MYO16: variants seen among roughly 807,000 people sequenced by gnomAD.
MYO16 encodes unconventional myosin-XVI.
A neutral mutation model predicts 205.3 loss-of-function variants in MYO16; 94 were observed. That is an observed-to-expected ratio of 0.46 (90% CI 0.39 to 0.54). The LOEUF (loss-of-function observed/expected upper bound fraction) is 0.54. MYO16 is among the 20% of genes least tolerant of loss of function. The pLI is 0.00. For synonymous variants in MYO16, 988 were observed against 954.0 expected (o/e 1.04, Z -0.66); for missense variants, 2,315 against 2,387.5 (o/e 0.97, Z 0.63).
intron 2 of MYO16, among the ~76,000 whole-genome samples, chr13:108,689,693 G>A (rs1463488031): frequency 6.6e-6 from 1 of 151,406 alleles, no homozygotes; most frequent in East Asian, 1.9e-4. Flanking sequence ...CAAATACAGA[G>A]TCTCTGAAAT....
intron 14 of MYO16, 107 bp downstream of exon 14, chr13:108,888,584 T>C: frequency 1.8e-6 from 1 of 561,678 alleles, no homozygotes; most frequent in Non-Finnish European, 2.9e-6. Flanking sequence ...GGGTTCAAAA[T>C]TTGTGGAAAT....
intron 16 of MYO16, among the ~76,000 whole-genome samples, chr13:108,924,002 T>C (rs545985235): frequency 1.8e-4 from 28 of 152,334 alleles, no homozygotes; most frequent in African/African-American, 6.7e-4. Context: ...TATTGAACTC[T>C]TTGGGCCATG....
At chr13:108,508,605 T>C in the MYO16 span, among the ~76,000 whole-genome samples, 2 of 152,140 alleles carry the variant, frequency 1.3e-5, no homozygotes, top group African/African-American at 4.8e-5. Context: ...GCCCTAACAT[T>C]GGATGCATTT....
At chr13:108,621,866 G>T (rs1235820995) in intron 1 of MYO16, among the ~76,000 whole-genome samples, 1 of 152,010 alleles carries the variant, frequency 6.6e-6, no homozygotes, top group Non-Finnish European at 1.5e-5. Flanking sequence ...ATAGTATTTT[G>T]CTATAATTGT....
Position 108,866,252 on chromosome 13 carries a change from A to G in MYO16, c.1425+10A>G. 6.5e-7 allele frequency: 1 copy of G among 1,532,472 alleles called. No individual in the cohort carries two copies. The highest frequency in any genetic ancestry group is 9.0e-7 in the Non-Finnish European group (1 of 1,111,496). The allele number at this position is 1,532,472 out of a possible 1,614,324, so 94.9% of individuals were successfully genotyped here. ...AATTTATTCTTCCATGGTGAGCACA[A>G]AATTTTAAATATCATTGAATAATGT... On this transcript the variant is annotated intron_variant, in intron 12 of 34. Transcript: ENST00000457511.
rs938637140 is a variant in MYO16, at chr13:108,846,801, T to G, written c.1248+2308T>G. Among the ~76,000 whole-genome samples the G allele has an allele frequency of 2.0e-5, 3 of 152,282 alleles. No homozygotes were observed. In the East Asian group the frequency reaches 5.8e-4, roughly 29 times the overall value. On this transcript the variant is annotated intron_variant, in intron 10 of 34. Transcript: ENST00000457511. The stretch of plus-strand genomic sequence containing the variant: ...TTTGAAGTATTTTTTCTTAATTCAT[T>G]TATATAAATTGTGGGAAATCTCAGG...
intron 34 of MYO16, among the ~76,000 whole-genome samples, chr13:109,188,247 AC>A (rs1223388140): frequency 6.6e-6 from 1 of 152,044 alleles, no homozygotes; most frequent in African/African-American, 2.4e-5. Flanking sequence ...ATACCACACA[AC>A]CCGTGCCTTT....
chr13:108,497,052 C>G, the MYO16 span, among the ~76,000 whole-genome samples: 48,533 of 151,940 alleles, frequency 0.32, 7,957 homozygotes, highest in Non-Finnish European at 0.35. Flanking sequence ...GTTCTTGGGA[C>G]TATTTCTGAC....
chr13:108,693,925 C>T (rs1882994385), intron 2 of MYO16, among the ~76,000 whole-genome samples: 1 of 152,120 alleles, frequency 6.6e-6, no homozygotes, highest in Non-Finnish European at 1.5e-5. Context: ...GTGTTCTCAT[C>T]ATTTAGCTCC....
intron 25 of MYO16, 115 bp from the exon 26 acceptor site, chr13:109,054,931 C>G: frequency 1.8e-6 from 1 of 557,018 alleles, no homozygotes; most frequent in African/African-American, 2.0e-5. Context: ...CCTTCTTTCT[C>G]TTTTTTCCTT....
chr13:108,530,880 T>C, the MYO16 span, among the ~76,000 whole-genome samples: 1 of 152,260 alleles, frequency 6.6e-6, no homozygotes, highest in Non-Finnish European at 1.5e-5. Context: ...CTATCAACTC[T>C]ATCGTGAGAA....
intron 7 of MYO16, among the ~76,000 whole-genome samples, chr13:108,814,481 G>C (rs1887390005): frequency 6.6e-6 from 1 of 151,582 alleles, no homozygotes; most frequent in Non-Finnish European, 1.5e-5. Context: ...ATAAAAGCAA[G>C]AAAATGCCTC....
At chr13:108,798,020 C>T (rs1886843999) in intron 6 of MYO16, among the ~76,000 whole-genome samples, 1 of 152,048 alleles carries the variant, frequency 6.6e-6, no homozygotes, top group Admixed American at 6.6e-5. Flanking sequence ...ATCTTGTGGT[C>T]ATTATCTTTG....
chr13:108,715,728 T>C lies in MYO16; in HGVS notation c.363+2997T>C, dbSNP rs140984046. 2.9e-3 allele frequency among the ~76,000 whole-genome samples: 435 copies of C among 152,302 alleles called. 1 individual carries two copies. The highest frequency in any genetic ancestry group is 3.5e-3 in the Admixed American group (53 of 15,296). On this transcript the variant is annotated intron_variant, in intron 3 of 34. Coordinates refer to ENST00000457511, the MANE Select transcript of MYO16 (RefSeq NM_001198950.3). Reference sequence around the variant, plus strand: ...GGACTGGAGAGGGATAAGCAGATGATAGCGAAGGAGGCAAACAATGGGGCC... The same window carrying C: ...GGACTGGAGAGGGATAAGCAGATGACAGCGAAGGAGGCAAACAATGGGGCC...
intron 1 of MYO16, among the ~76,000 whole-genome samples, chr13:108,600,879 T>C (rs1239386194): frequency 6.6e-6 from 1 of 152,190 alleles, no homozygotes; most frequent in African/African-American, 2.4e-5. Context: ...AATAAGCTTT[T>C]CCAACTTTAT....
chr13:108,985,263 A>G (rs1884587856), intron 20 of MYO16, among the ~76,000 whole-genome samples: 4 of 152,158 alleles, frequency 2.6e-5, no homozygotes, highest in Admixed American at 2.0e-4. Context: ...TAAAGCTTTT[A>G]TTCATGCTGT....
At chr13:108,543,450 C>G in the MYO16 span, among the ~76,000 whole-genome samples, 1 of 151,826 alleles carries the variant, frequency 6.6e-6, no homozygotes, top group African/African-American at 2.4e-5. Flanking sequence ...CGAGACCATC[C>G]TGGCTAACAC....
rs1439060562 is a variant in MYO16 at position 108,734,843 on chromosome 13, A to G, written c.507+7260A>G. ...CCTCTTGCTCTTCACTTCATTTTCC[A>G]GCGTGTCAGCTTGGTGGCCACTAGG... is the stretch of plus-strand genomic sequence containing the variant. On this transcript the variant is annotated intron_variant, in intron 4 of 34. Transcript: ENST00000457511. Among the ~76,000 whole-genome samples, 3 of 152,162 alleles carry G rather than the reference A, an allele frequency of 2.0e-5. No homozygotes were observed. The East Asian group carries it at 5.8e-4, about 29-fold the overall frequency.
intron 11 of MYO16, 86 bp downstream of exon 11, chr13:108,855,639 A>G (rs1446718695): frequency 1.3e-5 from 12 of 913,072 alleles, no homozygotes; most frequent in Non-Finnish European, 1.1e-5. Context: ...TGTTGCAAGT[A>G]AAGGGCTCAT....
Sources: gnomAD v4.1 joint callset for allele counts (sites outside exome capture counted in the v4.1 genomes callset) on GRCh38, gnomAD v4.1.1 for gene constraint, MANE v1.5 for transcripts, NCBI Gene and HGNC (gene_info 2026-07-23, HGNC 2026-07-21) for gene names.